TMEM117: variants seen among roughly 807,000 people sequenced by gnomAD.
The protein encoded by TMEM117 is transmembrane protein 117.
A neutral mutation model predicts 52.4 loss-of-function variants in TMEM117; 27 were observed. That is an observed-to-expected ratio of 0.51 (90% CI 0.38 to 0.71). The LOEUF is 0.71. TMEM117 is among the 30% of genes least tolerant of loss of function. The probability of loss-of-function intolerance (pLI) is 0.00; values close to 1 mark genes in which losing one functional copy is unlikely to be tolerated. For missense variants in TMEM117, 556 were observed against 630.5 expected (o/e 0.88, Z 1.26); for synonymous variants, 215 against 206.3 (o/e 1.04, Z -0.36).
chr12:44,203,363 G>T (rs1487513494), intron 4 of TMEM117, among the ~76,000 whole-genome samples: 1 of 151,838 alleles, frequency 6.6e-6, no homozygotes, highest in Admixed American at 6.6e-5. Flanking sequence ...ACTTAATCTG[G>T]GTAGCACTCT....
At chr12:43,873,051 A>G (rs1235140828) in intron 2 of TMEM117, among the ~76,000 whole-genome samples, 1 of 152,224 alleles carries the variant, frequency 6.6e-6, no homozygotes, top group African/African-American at 2.4e-5. Context: ...GAGAAATAAA[A>G]TCTTAGGAAG....
chr12:44,247,795 C>G (rs1431032417), intron 5 of TMEM117, among the ~76,000 whole-genome samples: 1 of 152,170 alleles, frequency 6.6e-6, no homozygotes. Flanking sequence ...TCTGCCTGGA[C>G]CAGTCGTTGA....
At chr12:44,255,971 CAGAA>C (rs1411884980) in intron 5 of TMEM117, among the ~76,000 whole-genome samples, 1 of 151,910 alleles carries the variant, frequency 6.6e-6, no homozygotes, top group Admixed American at 6.6e-5. Context: ...TAACCTGACT[CAGAA>C]AGCCAATCCA....
chr12:44,170,128 G>A lies in TMEM117; in HGVS notation c.510+26504G>A, dbSNP rs921294100. Among the ~76,000 whole-genome samples the A allele has an allele frequency of 2.4e-4, 37 of 152,030 alleles. 1 individual carries two copies. Among genetic ancestry groups the A allele is most frequent in the African/African-American group, 4.3e-4 (18 of 41,458 alleles). On this transcript the variant is annotated intron_variant, in intron 4 of 7. Transcript: ENST00000266534. Reference sequence around the variant, plus strand: ...ACTATGCAGCCATAAAAAAGGATGCGTTCATGTCCTTTATAGGGACATGGA... The same window carrying A: ...ACTATGCAGCCATAAAAAAGGATGCATTCATGTCCTTTATAGGGACATGGA...
intron 6 of TMEM117, among the ~76,000 whole-genome samples, chr12:44,373,010 A>G (rs1232507229): frequency 1.3e-5 from 2 of 152,254 alleles, no homozygotes; most frequent in Admixed American, 6.5e-5. Context: ...TCAGTAAAAA[A>G]TGGGCTAATA....
At chr12:43,811,089 A>C in the TMEM117 span, among the ~76,000 whole-genome samples, 1 of 152,224 alleles carries the variant, frequency 6.6e-6, no homozygotes, top group Non-Finnish European at 1.5e-5. Context: ...ATTCCTTAAC[A>C]AAACAACTAA....
chr12:44,036,558 G>C (rs1317629165), intron 3 of TMEM117, among the ~76,000 whole-genome samples: 2 of 152,162 alleles, frequency 1.3e-5, no homozygotes, highest in African/African-American at 4.8e-5. Flanking sequence ...CAATGTTGCT[G>C]TTTATCACTA....
At chr12:43,980,046 C>A (rs1945735748) in intron 3 of TMEM117, among the ~76,000 whole-genome samples, 1 of 152,140 alleles carries the variant, frequency 6.6e-6, no homozygotes, top group Admixed American at 6.5e-5. Context: ...TATTACTGGG[C>A]AGGCTAAGAG....
intron 4 of TMEM117, among the ~76,000 whole-genome samples, chr12:44,151,349 T>A (rs1240603583): frequency 4.6e-5 from 7 of 151,280 alleles, no homozygotes; most frequent in Admixed American, 4.6e-4. Flanking sequence ...TGATGGAATT[T>A]TCTTTTTTTT....
intron 2 of TMEM117, among the ~76,000 whole-genome samples, chr12:43,878,513 T>C (rs1247466209): frequency 6.6e-6 from 1 of 152,180 alleles, no homozygotes; most frequent in Non-Finnish European, 1.5e-5. Flanking sequence ...TACTTTTCTA[T>C]TGATAAGAGG....
intron 3 of TMEM117, among the ~76,000 whole-genome samples, chr12:43,961,961 G>A (rs974756386): frequency 1.3e-5 from 2 of 152,174 alleles, no homozygotes; most frequent in African/African-American, 2.4e-5. Flanking sequence ...TGATATTTCT[G>A]TGGCAGGTTA....
At chr12:44,239,813 T>TA (rs796930433) in intron 5 of TMEM117, among the ~76,000 whole-genome samples, 7 of 152,008 alleles carry the variant, frequency 4.6e-5, no homozygotes, top group South Asian at 2.1e-4. Flanking sequence ...AAGAGTGTTA[T>TA]AAAAAAAAGA....
At chr12:44,364,741 G>T (rs1233852534) in intron 6 of TMEM117, among the ~76,000 whole-genome samples, 1 of 152,060 alleles carries the variant, frequency 6.6e-6, no homozygotes, top group South Asian at 2.1e-4. Context: ...GCCAAAAAAT[G>T]TTATTGTTAC....
At chr12:43,845,589 ATG>A (rs1195218712) in intron 2 of TMEM117, among the ~76,000 whole-genome samples, 1 of 151,924 alleles carries the variant, frequency 6.6e-6, no homozygotes, top group East Asian at 1.9e-4. Flanking sequence ...CAGGTGCACA[ATG>A]TGCAGGTTTG....
intron 6 of TMEM117, among the ~76,000 whole-genome samples, chr12:44,375,597 C>T (rs778505637): frequency 6.6e-6 from 1 of 152,136 alleles, no homozygotes; most frequent in Non-Finnish European, 1.5e-5. Context: ...ATATAAAAAT[C>T]TCAAATAGAC....
At chr12:44,068,071 C>A (rs1276239182) in intron 3 of TMEM117, among the ~76,000 whole-genome samples, 1 of 152,190 alleles carries the variant, frequency 6.6e-6, no homozygotes, top group East Asian at 1.9e-4. Flanking sequence ...GATCCAACCT[C>A]TGCTAACTTC....
At chr12:44,262,887 G>A (rs981814473) in intron 5 of TMEM117, among the ~76,000 whole-genome samples, 3 of 152,152 alleles carry the variant, frequency 2.0e-5, no homozygotes, top group Non-Finnish European at 2.9e-5. Context: ...GCGCCCCGCC[G>A]AGGTTCATTT....
rs370658295 is a variant in TMEM117 at position 44,359,794 on chromosome 12, A to G, written c.769-16801A>G. Among the ~76,000 whole-genome samples, 32 of 152,286 alleles carry G rather than the reference A, an allele frequency of 2.1e-4. No homozygotes were observed. In the South Asian group the frequency reaches 6.2e-3, roughly 30 times the overall value. Reference sequence around the variant, plus strand: ...GTAAGTGAAAAAAAGGAATAAGAAAATTACTAAAAACCAACTATATTTACA... The same window carrying G: ...GTAAGTGAAAAAAAGGAATAAGAAAGTTACTAAAAACCAACTATATTTACA... On this transcript the variant is annotated intron_variant, in intron 6 of 7. Transcript: ENST00000266534.
the TMEM117 span, chr12:43,795,831 G>A: frequency 7.0e-7 from 1 of 1,438,760 alleles, no homozygotes; most frequent in South Asian, 1.2e-5. Flanking sequence ...GTATATGAAT[G>A]CTCACAAATA....
Sources: gnomAD v4.1 joint callset for allele counts (sites outside exome capture counted in the v4.1 genomes callset) on GRCh38, gnomAD v4.1.1 for gene constraint, MANE v1.5 for transcripts, NCBI Gene and HGNC (gene_info 2026-07-23, HGNC 2026-07-21) for gene names.